The following CPNE4 variants were observed in gnomAD, a reference collection of about 807,000 sequenced individuals.
CPNE4 encodes copine-4.
In CPNE4, 25 loss-of-function variants were observed where a neutral mutation model predicts 67.9. The ratio of observed to expected loss-of-function variants is 0.37; its 90% CI spans 0.27 to 0.51. The LOEUF (loss-of-function observed/expected upper bound fraction) is 0.51, where lower values mean the gene tolerates loss of function less well. CPNE4 is among the 20% of genes least tolerant of loss of function. The probability of loss-of-function intolerance (pLI) is 0.93; values close to 1 mark genes in which losing one functional copy is unlikely to be tolerated. For synonymous variants in CPNE4, 242 were observed against 244.9 expected, an observed-to-expected ratio of 0.99 and a Z score of 0.11; for missense variants, 464 against 690.8, an observed-to-expected ratio of 0.67 and a Z score of 3.68.
intron 7 of CPNE4, among the ~76,000 whole-genome samples, chr3:131,620,757 A>G (rs962610498): frequency 6.6e-6 from 1 of 152,182 alleles, no homozygotes; most frequent in African/African-American, 2.4e-5. Context: ...GAAGGGGGTC[A>G]CAGGCTAAGA....
In CPNE4 at chr3:131,844,759, C is replaced by T. The variant is rs149456594; in HGVS notation, c.180+60505G>A. Among the ~76,000 whole-genome samples the T allele has an allele frequency of 4.3e-3, 662 of 152,258 alleles. 3 individuals carry two copies. Among genetic ancestry groups the T allele is most frequent in the Admixed American group, 9.4e-3 (144 of 15,276 alleles). On this transcript the variant is annotated intron_variant, in intron 2 of 15. Transcript: ENST00000429747. ...AGTTAAGGTGTTATTATCATTTTCT[C>T]TCCCATTCCATTTTTAATTTTTAAA...
At chr3:131,713,874 C>T (rs2081618185) in intron 3 of CPNE4, among the ~76,000 whole-genome samples, 2 of 151,764 alleles carry the variant, frequency 1.3e-5, no homozygotes, top group African/African-American at 4.9e-5. Flanking sequence ...TCCCAGCTGC[C>T]TATGAGCAGA....
chr3:131,883,263 T>C (rs1171903995), intron 2 of CPNE4, among the ~76,000 whole-genome samples: 2 of 152,026 alleles, frequency 1.3e-5, no homozygotes, highest in African/African-American at 4.8e-5. Flanking sequence ...AACCTGCCCC[T>C]CCCCCAGTGT....
At chr3:131,844,729 C>T (rs1009129350) in intron 2 of CPNE4, among the ~76,000 whole-genome samples, 4 of 152,118 alleles carry the variant, frequency 2.6e-5, no homozygotes, top group African/African-American at 9.7e-5. Context: ...GTCACAACAG[C>T]CATCAGTTAA....
At chr3:131,551,082 A>G (rs766506425) in intron 13 of CPNE4, among the ~76,000 whole-genome samples, 4 of 151,872 alleles carry the variant, frequency 2.6e-5, no homozygotes, top group Non-Finnish European at 5.9e-5. Flanking sequence ...GAAATAGCAC[A>G]TTAGTCCTGT....
chr3:131,989,428 G>GGTAGGA (rs2073126956), intron 1 of CPNE4, among the ~76,000 whole-genome samples: 2 of 138,494 alleles, frequency 1.4e-5, no homozygotes, highest in Admixed American at 8.0e-5. Context: ...GTAAACAGAG[G>GGTAGGA]CTTTAACTAC....
chr3:131,879,018 C>A (rs1172272209), intron 2 of CPNE4, among the ~76,000 whole-genome samples: 1 of 152,258 alleles, frequency 6.6e-6, no homozygotes, highest in African/African-American at 2.4e-5. Flanking sequence ...GAAAGTACAA[C>A]TGACGCTGTC....
intron 1 of CPNE4, among the ~76,000 whole-genome samples, chr3:132,001,974 TC>T (rs2073464310): frequency 6.6e-6 from 1 of 152,138 alleles, no homozygotes; most frequent in African/African-American, 2.4e-5. Context: ...CTATTTATGA[TC>T]CTTTCCAAAC....
chr3:131,726,727 G>C lies in CPNE4; in HGVS notation c.181-3102C>G, dbSNP rs561048838. 4.8e-3 allele frequency among the ~76,000 whole-genome samples: 543 copies of C among 112,030 alleles called. 1 individual carries two copies. Among genetic ancestry groups the C allele is most frequent in the African/African-American group, 0.02 (513 of 26,044 alleles). The allele number at this position is 112,030 out of a possible 152,430, so 73.5% of individuals were successfully genotyped here. On this transcript the variant is annotated intron_variant, in intron 2 of 15. Coordinates refer to ENST00000429747, the MANE Select transcript of CPNE4 (RefSeq NM_130808.3). ...TGCATCCTAATCAACTGGGGGGGGC[G>C]GGGGGGCTTTCTTTAAAACTCAGAT...
At chr3:131,849,018 C>T (rs888045276) in intron 2 of CPNE4, among the ~76,000 whole-genome samples, 3 of 144,314 alleles carry the variant, frequency 2.1e-5, no homozygotes, top group South Asian at 2.2e-4. Flanking sequence ...TTCTGTTTTA[C>T]CTGCCCAACC....
At chr3:131,818,689 G>A (rs945556647) in intron 2 of CPNE4, among the ~76,000 whole-genome samples, 4 of 152,170 alleles carry the variant, frequency 2.6e-5, no homozygotes, top group Non-Finnish European at 4.4e-5. Context: ...CAATGTTTTT[G>A]TTTAAAACCT....
chr3:131,827,095 T>C (rs889053067), intron 2 of CPNE4, among the ~76,000 whole-genome samples: 2 of 151,832 alleles, frequency 1.3e-5, no homozygotes, highest in Admixed American at 6.6e-5. Flanking sequence ...CAGAGACAGG[T>C]ACTATTTGAG....
chr3:131,622,972 T>C (rs1940556648), intron 7 of CPNE4, among the ~76,000 whole-genome samples: 1 of 152,212 alleles, frequency 6.6e-6, no homozygotes, highest in South Asian at 2.1e-4. Context: ...GCCGCATCAA[T>C]AGGTGTCTAG....
chr3:131,928,136 A>G (rs976935847), intron 1 of CPNE4, among the ~76,000 whole-genome samples: 1 of 152,180 alleles, frequency 6.6e-6, no homozygotes, highest in Non-Finnish European at 1.5e-5. Flanking sequence ...TTACTTTTAT[A>G]TCAGAGAAAC....
intron 1 of CPNE4, among the ~76,000 whole-genome samples, chr3:131,932,789 A>G (rs1235522771): frequency 1.3e-5 from 2 of 151,824 alleles, no homozygotes; most frequent in African/African-American, 4.8e-5. Flanking sequence ...AGGCCAAGGC[A>G]GGCAGATCAT....
intron 7 of CPNE4, among the ~76,000 whole-genome samples, chr3:131,665,489 T>C (rs1331911088): frequency 6.6e-6 from 1 of 151,998 alleles, no homozygotes; most frequent in East Asian, 1.9e-4. Flanking sequence ...TGAAACCCTG[T>C]CTCTACTAAA....
At chr3:131,758,932 G>C (rs1244760363) in intron 2 of CPNE4, among the ~76,000 whole-genome samples, 2 of 152,066 alleles carry the variant, frequency 1.3e-5, no homozygotes, top group African/African-American at 4.8e-5. Context: ...GCCTCCCCAG[G>C]CATATGAAAC....
chr3:131,879,531 C>A (rs1197330714), intron 2 of CPNE4, among the ~76,000 whole-genome samples: 1 of 152,126 alleles, frequency 6.6e-6, no homozygotes, highest in African/African-American at 2.4e-5. Flanking sequence ...AACTGTCCCC[C>A]ACCCCTCCTG....
chr3:131,726,687 A>C (rs374180686), intron 2 of CPNE4, among the ~76,000 whole-genome samples: 3 of 117,128 alleles, frequency 2.6e-5, no homozygotes, highest in East Asian at 2.9e-4. Context: ...TCATTCACTT[A>C]CTGGTGCTAC....
Sources: allele counts gnomAD v4.1 joint callset (sites outside exome capture counted in the v4.1 genomes callset), GRCh38; gene constraint gnomAD v4.1.1; transcripts MANE v1.5; gene names NCBI Gene and HGNC (gene_info 2026-07-23, HGNC 2026-07-21).